The following FSTL5 variants were observed in gnomAD, a reference collection of about 807,000 sequenced individuals.
FSTL5 encodes follistatin like 5.
In FSTL5, 62 loss-of-function variants were observed where a neutral mutation model predicts 89.1. The observed-to-expected ratio is 0.70, with a 90% CI of 0.57 to 0.86. The LOEUF (loss-of-function observed/expected upper bound fraction) is 0.86. Ranked by LOEUF, FSTL5 falls within the 40% of genes least tolerant of loss-of-function variation. The probability of loss-of-function intolerance (pLI) is 0.00; values close to 1 mark genes in which losing one functional copy is unlikely to be tolerated. For missense variants in FSTL5, 1,057 were observed against 1,001.6 expected (o/e 1.06, Z -0.75); for synonymous variants, 383 against 346.2 (o/e 1.11, Z -1.18).
intron 1 of FSTL5, among the ~76,000 whole-genome samples, chr4:162,151,469 T>C (rs1733223069): frequency 6.6e-6 from 1 of 152,158 alleles, no homozygotes; most frequent in East Asian, 1.9e-4. Context: ...AAAATGATGT[T>C]TAAGTCCATT....
chr4:162,092,350 C>T (rs974862587), intron 2 of FSTL5, among the ~76,000 whole-genome samples: 1 of 152,024 alleles, frequency 6.6e-6, no homozygotes, highest in Non-Finnish European at 1.5e-5. Context: ...TAAAAAGAAA[C>T]AAGTTTGAAA....
chr4:161,524,198 T>C (rs1249830228), intron 10 of FSTL5, among the ~76,000 whole-genome samples: 1 of 152,186 alleles, frequency 6.6e-6, no homozygotes, highest in Non-Finnish European at 1.5e-5. Context: ...GACAGTCCTT[T>C]CAAACTCAAC....
At chr4:161,706,030 T>C (rs1738568939) in intron 6 of FSTL5, among the ~76,000 whole-genome samples, 1 of 139,276 alleles carries the variant, frequency 7.2e-6, no homozygotes, top group African/African-American at 2.6e-5. Flanking sequence ...TATACCTTTT[T>C]ACTTCTTAAT....
chr4:162,157,600 G>T (rs912465405), intron 1 of FSTL5, among the ~76,000 whole-genome samples: 1 of 152,030 alleles, frequency 6.6e-6, no homozygotes, highest in Non-Finnish European at 1.5e-5. Context: ...AAACATTTAT[G>T]CCAGACTTCT....
chr4:162,033,523 T>A (rs2111197268), intron 3 of FSTL5, 102 bp downstream of exon 3: 1 of 633,800 alleles, frequency 1.6e-6, no homozygotes, highest in Admixed American at 3.6e-5. Context: ...TAATTATCAT[T>A]ATTTTCTCAT....
chr4:161,987,014 T>A (rs1735981622), intron 3 of FSTL5, among the ~76,000 whole-genome samples: 1 of 152,166 alleles, frequency 6.6e-6, no homozygotes, highest in Non-Finnish European at 1.5e-5. Context: ...TTCATACTTT[T>A]CTCACTGTAC....
chr4:161,530,785 GCCTGTAGCTTAAAAGCTT>G (rs1237023216), intron 10 of FSTL5, among the ~76,000 whole-genome samples: 3 of 152,058 alleles, frequency 2.0e-5, no homozygotes, highest in African/African-American at 7.2e-5. Flanking sequence ...ACTTAATGCA[GCCTGTAGCTTAAAAGCTT>G]CCTGTAGAAG....
intron 13 of FSTL5, among the ~76,000 whole-genome samples, chr4:161,474,790 C>T (rs1734072346): frequency 6.6e-6 from 1 of 152,060 alleles, no homozygotes; most frequent in Admixed American, 6.5e-5. Context: ...CATGATCCAC[C>T]CACCTCAGCC....
intron 4 of FSTL5, among the ~76,000 whole-genome samples, chr4:161,874,732 A>T: frequency 6.6e-6 from 1 of 152,006 alleles, no homozygotes; most frequent in East Asian, 1.9e-4. Flanking sequence ...CCTTTTCATT[A>T]ACTTTTTTGT....
chr4:161,625,357 T>G (rs1419195974), intron 7 of FSTL5, among the ~76,000 whole-genome samples: 2 of 152,150 alleles, frequency 1.3e-5, no homozygotes, highest in Non-Finnish European at 2.9e-5. Context: ...TTGATAAGTC[T>G]CACAATATCT....
chr4:161,511,977 T>C (rs1379326546), intron 10 of FSTL5, among the ~76,000 whole-genome samples: 2 of 151,738 alleles, frequency 1.3e-5, no homozygotes, highest in Non-Finnish European at 2.9e-5. Context: ...AAAAAGAAAA[T>C]ATGTTCAAGG....
At chr4:162,118,148 G>C (rs1177845575) in intron 1 of FSTL5, among the ~76,000 whole-genome samples, 6 of 152,070 alleles carry the variant, frequency 3.9e-5, no homozygotes, top group Non-Finnish European at 8.8e-5. Flanking sequence ...AGGCAAGTTT[G>C]TTTGTTGTAA....
At chr4:162,071,503 T>C (rs1197065845) in intron 2 of FSTL5, among the ~76,000 whole-genome samples, 2 of 151,820 alleles carry the variant, frequency 1.3e-5, no homozygotes. Flanking sequence ...ACGGAAATGT[T>C]ATTAGAGCTA....
intron 8 of FSTL5, among the ~76,000 whole-genome samples, chr4:161,574,102 C>T (rs1257485182): frequency 6.6e-6 from 1 of 152,104 alleles, no homozygotes; most frequent in Admixed American, 6.6e-5. Context: ...TATCTTCTTG[C>T]CTTCATCTGA....
At chr4:161,489,992 A>G (rs997174959) in intron 12 of FSTL5, among the ~76,000 whole-genome samples, 13 of 152,118 alleles carry the variant, frequency 8.5e-5, no homozygotes, top group African/African-American at 3.1e-4. Flanking sequence ...GGTATTTTTT[A>G]TTTCAAAATC....
At chr4:161,593,689 A>G (rs1232197419) in intron 7 of FSTL5, among the ~76,000 whole-genome samples, 5 of 152,108 alleles carry the variant, frequency 3.3e-5, no homozygotes, top group African/African-American at 4.8e-5. Context: ...GAAATCCTCA[A>G]TATCATATTA....
Position 162,068,611 on chromosome 4 carries a change from A to T in FSTL5, c.127-34953T>A, listed in dbSNP as rs928088041. Among the ~76,000 whole-genome samples the T allele has an allele frequency of 2.6e-5, 4 of 152,122 alleles. No individual in the cohort carries two copies. The East Asian group carries it at 5.8e-4, about 22-fold the overall frequency. ...ACTATAAAAACCCAGATGAAAACCT[A>T]GGTAATACCATTCAGGACATAGGCA... On this transcript the variant is annotated intron_variant, in intron 2 of 15. Coordinates refer to ENST00000306100, the MANE Select transcript of FSTL5 (RefSeq NM_020116.5).
intron 4 of FSTL5, among the ~76,000 whole-genome samples, chr4:161,789,379 C>T (rs12643612): frequency 0.14 from 21,039 of 151,796 alleles, 2,780 homozygotes; most frequent in African/African-American, 0.34. Flanking sequence ...TCCATTCTAG[C>T]CTTTTGTGGC....
At chr4:161,943,538 CTTTTTTTTTTTTTTTT>C (rs77101651) in intron 3 of FSTL5, among the ~76,000 whole-genome samples, 15 of 34,366 alleles carry the variant, frequency 4.4e-4, no homozygotes, top group African/African-American at 1.2e-3. Context: ...ACCACTGTAT[CTTTTTTTTTTTTTTTT>C]TTTTTTTTTT....
Sources: gnomAD v4.1 joint callset for allele counts (sites outside exome capture counted in the v4.1 genomes callset) on GRCh38, gnomAD v4.1.1 for gene constraint, MANE v1.5 for transcripts, NCBI Gene and HGNC (gene_info 2026-07-23, HGNC 2026-07-21) for gene names.